Variants in NKAIN3 observed in about 807,000 individuals in gnomAD.
The protein encoded by NKAIN3 is sodium/potassium-transporting ATPase subunit beta-1-interacting protein 3.
In NKAIN3, 25 loss-of-function variants were observed where a neutral mutation model predicts 30.2. That is an observed-to-expected ratio of 0.83 (90% CI 0.60 to 1.16). The LOEUF (loss-of-function observed/expected upper bound fraction) is 1.16. NKAIN3 is among the 50% of genes most tolerant of loss of function. The pLI, the probability that NKAIN3 is intolerant of heterozygous loss-of-function variation, is 0.00. For synonymous variants in NKAIN3, 91 were observed against 89.6 expected (o/e 1.02, Z -0.09); for missense variants, 225 against 254.1 (o/e 0.89, Z 0.78).
intron 1 of NKAIN3, among the ~76,000 whole-genome samples, chr8:62,539,482 A>G (rs1201790488): frequency 6.6e-6 from 1 of 152,224 alleles, no homozygotes; most frequent in African/African-American, 2.4e-5. Context: ...AATTAGAGGT[A>G]TATGGTGTGC....
chr8:62,352,680 T>C (rs1563361402), intron 1 of NKAIN3, among the ~76,000 whole-genome samples: 1 of 152,176 alleles, frequency 6.6e-6, no homozygotes, highest in Non-Finnish European at 1.5e-5. Flanking sequence ...CTCTTGAAAT[T>C]ACTTTATCTC....
At chr8:62,386,690 A>T (rs1371196685) in intron 1 of NKAIN3, among the ~76,000 whole-genome samples, 2 of 152,206 alleles carry the variant, frequency 1.3e-5, no homozygotes, top group Non-Finnish European at 2.9e-5. Flanking sequence ...AATGGGTGAC[A>T]TGGTAACGCA....
rs139023155 is a variant in NKAIN3 at position 62,955,966 on chromosome 8, T to C, written c.603+1994T>C. ...AACAAGCTTCTGCTTTGACAGATTA[T>C]GCATATTATCATGTCAGATGAATAT... On this transcript the variant is annotated intron_variant, in intron 6 of 6. Coordinates refer to ENST00000623646, the MANE Select transcript of NKAIN3 (RefSeq NM_001304533.3). 7.9e-5 allele frequency among the ~76,000 whole-genome samples: 12 copies of C among 152,338 alleles called. No individual in the cohort carries two copies. In the East Asian group the frequency reaches 2.3e-3, roughly 29 times the overall value.
At chr8:62,808,458 T>C (rs1818375952) in intron 4 of NKAIN3, among the ~76,000 whole-genome samples, 1 of 152,216 alleles carries the variant, frequency 6.6e-6, no homozygotes, top group South Asian at 2.1e-4. Flanking sequence ...AAGCATTCCC[T>C]ATCAGGGGAA....
intron 4 of NKAIN3, among the ~76,000 whole-genome samples, chr8:62,750,098 C>T (rs1031503138): frequency 5.9e-5 from 9 of 151,798 alleles, no homozygotes; most frequent in African/African-American, 1.7e-4. Context: ...TTTAACAGCC[C>T]GAGGGGCGTG....
intron 1 of NKAIN3, among the ~76,000 whole-genome samples, chr8:62,395,278 G>A (rs868846954): frequency 6.0e-5 from 9 of 149,348 alleles, no homozygotes; most frequent in South Asian, 4.3e-4. Context: ...CAGACATTGC[G>A]CGGGGCCGGG....
At chr8:62,883,040 C>G (rs1821033357) in intron 4 of NKAIN3, among the ~76,000 whole-genome samples, 1 of 152,118 alleles carries the variant, frequency 6.6e-6, no homozygotes, top group Non-Finnish European at 1.5e-5. Context: ...GTTGGCTATT[C>G]TAGGACGTAT....
At chr8:62,551,774 A>G (rs533569858) in intron 1 of NKAIN3, among the ~76,000 whole-genome samples, 3 of 152,316 alleles carry the variant, frequency 2.0e-5, no homozygotes, top group African/African-American at 7.2e-5. Flanking sequence ...AATATGCAAA[A>G]CATCTTATTC....
At chr8:62,771,030 T>C (rs1325642650) in intron 4 of NKAIN3, among the ~76,000 whole-genome samples, 1 of 151,470 alleles carries the variant, frequency 6.6e-6, no homozygotes, top group Non-Finnish European at 1.5e-5. Flanking sequence ...GGAGAAAAAA[T>C]TAATAAATAG....
Position 62,973,897 on chromosome 8 carries a change from C to T in NKAIN3, c.*8490C>T, listed in dbSNP as rs1585636429. Among the ~76,000 whole-genome samples, 1 of 152,162 alleles carries T rather than the reference C, an allele frequency of 6.6e-6. No individual in the cohort carries two copies. The highest frequency in any genetic ancestry group is 1.5e-5 in the Non-Finnish European group (1 of 68,034). On this transcript the variant is annotated 3_prime_UTR_variant, in exon 7 of 7. Coordinates refer to ENST00000623646, the MANE Select transcript of NKAIN3 (RefSeq NM_001304533.3). The stretch of plus-strand genomic sequence containing the variant: ...TTTCTGCGTATGGCTAGCTAATTTT[C>T]CCAGCACCATTTATTAAATAGGAAA...
chr8:62,998,422 T>C (rs12541798), intron 5 of NKAIN3, among the ~76,000 whole-genome samples: 29,581 of 151,968 alleles, frequency 0.19, 2,995 homozygotes, highest in East Asian at 0.41. Flanking sequence ...ATTACAGGCA[T>C]TCACCACCAC....
At chr8:62,417,285 G>C (rs528802634) in intron 1 of NKAIN3, among the ~76,000 whole-genome samples, 2 of 152,032 alleles carry the variant, frequency 1.3e-5, no homozygotes, top group African/African-American at 4.8e-5. Flanking sequence ...CATCCATGTT[G>C]TTGCAGATAA....
intron 1 of NKAIN3, among the ~76,000 whole-genome samples, chr8:62,451,408 GC>G (rs1805638397): frequency 6.7e-6 from 1 of 150,172 alleles, no homozygotes; most frequent in South Asian, 2.1e-4. Context: ...AATTCAGATA[GC>G]CTTTTGTCAA....
intron 1 of NKAIN3, among the ~76,000 whole-genome samples, chr8:62,420,871 A>G (rs1804616433): frequency 6.6e-6 from 1 of 152,228 alleles, no homozygotes; most frequent in Non-Finnish European, 1.5e-5. Flanking sequence ...TTGCTAAAAT[A>G]TGGTTTTGGG....
intron 1 of NKAIN3, among the ~76,000 whole-genome samples, chr8:62,408,117 C>T (rs1397089636): frequency 2.6e-5 from 4 of 152,180 alleles, no homozygotes; most frequent in African/African-American, 9.7e-5. Context: ...TTTATTTTCA[C>T]CACATATTTT....
intron 1 of NKAIN3, among the ~76,000 whole-genome samples, chr8:62,400,599 A>G (rs188061623): frequency 1.3e-5 from 2 of 152,120 alleles, no homozygotes; most frequent in African/African-American, 4.8e-5. Flanking sequence ...TCTTGTGTTC[A>G]TGAAATCCCT....
chr8:62,970,767 T>C lies in NKAIN3; in HGVS notation c.*5360T>C, dbSNP rs184316493. On this transcript the variant is annotated 3_prime_UTR_variant, in exon 7 of 7. Coordinates refer to ENST00000623646, the MANE Select transcript of NKAIN3 (RefSeq NM_001304533.3). ...TTTAACTCAGAATTTTGTTCTTGTT[T>C]CTTTGATTGACTAAAAACATTGAAT... Among the ~76,000 whole-genome samples, 17 of 152,310 alleles carry C rather than the reference T, an allele frequency of 1.1e-4. No individual in the cohort carries two copies. Among genetic ancestry groups the C allele is most frequent in the African/African-American group, 3.6e-4 (15 of 41,566 alleles).
chr8:62,276,154 C>A (rs1250572892), intron 1 of NKAIN3, among the ~76,000 whole-genome samples: 1 of 152,162 alleles, frequency 6.6e-6, no homozygotes, highest in Non-Finnish European at 1.5e-5. Context: ...CAACCTCCGC[C>A]TCCTGGGCTC....
chr8:62,745,415 C>T (rs1421606833), intron 3 of NKAIN3, among the ~76,000 whole-genome samples: 1 of 152,202 alleles, frequency 6.6e-6, no homozygotes, highest in Non-Finnish European at 1.5e-5. Flanking sequence ...AAAGCTGACT[C>T]TGCTCCTGCA....
Sources: gnomAD v4.1 joint callset for allele counts (sites outside exome capture counted in the v4.1 genomes callset) on GRCh38, gnomAD v4.1.1 for gene constraint, MANE v1.5 for transcripts, NCBI Gene and HGNC (gene_info 2026-07-23, HGNC 2026-07-21) for gene names.